The following PFAS variants were observed in gnomAD, a reference collection of about 807,000 sequenced individuals.
PFAS encodes FGAM synthase.
A neutral mutation model predicts 140.6 loss-of-function variants in PFAS; 97 were observed. The ratio of observed to expected loss-of-function variants is 0.69; its 90% CI spans 0.59 to 0.82. PFAS has a LOEUF of 0.82. Ranked by LOEUF, PFAS falls within the 40% of genes least tolerant of loss-of-function variation. PFAS has a pLI of 0.00. For missense variants in PFAS, 1,656 were observed against 1,780.2 expected (o/e 0.93, Z 1.26); for synonymous variants, 679 against 718.8 (o/e 0.94, Z 0.88).
chr17:8,263,474 C>T (rs113912737), intron 13 of PFAS, 101 bp from the exon 14 acceptor site: 1 of 1,132,272 alleles, frequency 8.8e-7, no homozygotes, highest in East Asian at 2.4e-5. Flanking sequence ...GCAGTTGACA[C>T]AGGAACACAC....
rs764119969 is a variant in PFAS at position 8,255,486 on chromosome 17, G to A, written c.385-16G>A. The A allele has an allele frequency of 4.6e-6, 7 of 1,507,834 alleles. No individual in the cohort carries two copies. The highest frequency in any genetic ancestry group is 4.1e-5 in the South Asian group (3 of 74,014). 93.4% of individuals were successfully genotyped at this position (1,507,834 alleles called of 1,614,324 possible). On this transcript the variant is annotated splice_polypyrimidine_tract_variant and intron_variant, in intron 4 of 27. Transcript: ENST00000314666. ...AAACTCTTCACCCCTTGCCCTCTGT[G>A]TGTCTGCACCCCTAGTTTGCCCACC...
intron 26 of PFAS, among the ~76,000 whole-genome samples, chr17:8,268,237 C>G (rs1398905579): frequency 2.1e-5 from 3 of 145,180 alleles, no homozygotes; most frequent in South Asian, 2.2e-4. Flanking sequence ...GCCAGGCGTG[C>G]TGGCGGGCGC....
chr17:8,254,387 C>T, intron 3 of PFAS, 86 bp downstream of exon 3: 1 of 1,496,284 alleles, frequency 6.7e-7, no homozygotes, highest in Non-Finnish European at 9.2e-7. Context: ...TTCCTTTGCT[C>T]TTTGCTACTT....
Position 8,267,897 on chromosome 17 carries a change from ATATTATTTATAT to A in PFAS, c.3382+233_3382+244del, listed in dbSNP as rs1989885705. 9.5e-6 allele frequency among the ~76,000 whole-genome samples: 1 copy of A among 105,724 alleles called. No homozygotes were observed. Among genetic ancestry groups the A allele is most frequent in the Non-Finnish European group, 2.5e-5 (1 of 40,068 alleles). 69.4% of individuals were successfully genotyped at this position (105,724 alleles called of 152,430 possible). On this transcript the variant is annotated intron_variant, in intron 26 of 27. Coordinates refer to ENST00000314666, the MANE Select transcript of PFAS (RefSeq NM_012393.3). This position sits in a 1 kb window ranked among gnomAD's most constrained non-coding sequence, Gnocchi z 4.9. ...AATTAAAATATATATTATTAAATAT[ATATTATTTATAT>A]ATATTATTTATATATTATTAAAATG... is the stretch of plus-strand genomic sequence containing the variant.
upstream of PFAS, chr17:8,247,724 C>A: frequency 2.2e-6 from 1 of 444,934 alleles, no homozygotes. Context: ...ACCCACAGCC[C>A]CATAGTTCCC....
chr17:8,248,007 G>A (rs200258559), upstream of PFAS: 23 of 1,607,824 alleles, frequency 1.4e-5, no homozygotes, highest in Middle Eastern at 1.7e-4. Flanking sequence ...CACTCACGGA[G>A]GAAGGGACCT....
chr17:8,257,034 C>G lies in PFAS; in HGVS notation c.1075+71C>G, dbSNP rs537565747. 4 of 1,519,430 alleles carry G rather than the reference C, an allele frequency of 2.6e-6. No individual in the cohort carries two copies. In the African/African-American group the frequency reaches 5.5e-5, roughly 21 times the overall value. 94.1% of individuals were successfully genotyped at this position (1,519,430 alleles called of 1,614,324 possible). A position where few individuals can be genotyped will look rare whatever the true frequency, so the allele number is the denominator to read the frequency against. ...GTCCTGGCAGGCAGCAAACTTCTAT[C>G]TGTTAGGTCCATAGGGTTATCCTGT... On this transcript the variant is annotated intron_variant, in intron 9 of 27. Coordinates refer to ENST00000314666, the MANE Select transcript of PFAS (RefSeq NM_012393.3).
chr17:8,263,508 C>T, intron 13 of PFAS, 67 bp from the exon 14 acceptor site: 1 of 1,366,866 alleles, frequency 7.3e-7, no homozygotes. Context: ...CCTTTGGAGG[C>T]CAGGGACTGC....
chr17:8,252,577 AT>A (rs1002314721), intron 1 of PFAS, among the ~76,000 whole-genome samples: 1 of 146,950 alleles, frequency 6.8e-6, no homozygotes, highest in Admixed American at 6.8e-5. Flanking sequence ...CTAATTTTGT[AT>A]TTTTTTTAGT....
chr17:8,258,033 G>A (rs1368245511), intron 10 of PFAS, 38 bp from the exon 11 acceptor site: 4 of 1,613,714 alleles, frequency 2.5e-6, no homozygotes, highest in African/African-American at 1.3e-5. Context: ...AGCACTGGGG[G>A]AACTGAGTGA....
In PFAS at chr17:8,256,564, G is replaced by A. The variant is rs745904548; in HGVS notation, c.862G>A (p.Asp288Asn). The A allele has an allele frequency of 6.2e-7, 1 of 1,614,128 alleles. No homozygotes were observed. The highest frequency in any genetic ancestry group is 8.5e-7 in the Non-Finnish European group (1 of 1,180,036). Reference sequence around the variant, plus strand: ...GGAAGTCCGATTCCTACGGCCTGAGGACCCCACACGGCCAAGCCGCTTCCA... The same window carrying A: ...GGAAGTCCGATTCCTACGGCCTGAGAACCCCACACGGCCAAGCCGCTTCCA... Reference protein sequence around the residue: ...GKEVRFLRPEDPTRPSRFQQQ... With the variant: ...GKEVRFLRPENPTRPSRFQQQ... The change falls in exon 8 of 28, where the codon GAC becomes AAC. Residue 288 changes from aspartate (D) to asparagine (N), a missense_variant. Physicochemically the swap from Asp to Asn is conservative, Grantham distance 23. Transcript: ENST00000314666.
At position 8,257,945 on chromosome 17, in the gene PFAS, C is replaced by T; in HGVS notation, c.1207+7C>T. On this transcript the variant is annotated splice_region_variant and intron_variant, in intron 10 of 27. Transcript: ENST00000314666. ...GGGGAACCAGTGCTGGCTGGTGAGG[C>T]TGGGGTGTGGAGGGATGACAAACAC... 1 of 1,614,038 alleles carries T rather than the reference C, an allele frequency of 6.2e-7. No individual in the cohort carries two copies. The highest frequency in any genetic ancestry group is 1.3e-5 in the African/African-American group (1 of 75,044).
chr17:8,258,259 A>G, intron 11 of PFAS, 60 bp downstream of exon 11: 1 of 1,586,856 alleles, frequency 6.3e-7, no homozygotes, highest in South Asian at 1.1e-5. Flanking sequence ...CAGGATGGCT[A>G]CAGGGAGGGA....
At chr17:8,252,896 T>C in intron 1 of PFAS, among the ~76,000 whole-genome samples, 1 of 152,146 alleles carries the variant, frequency 6.6e-6, no homozygotes, top group African/African-American at 2.4e-5. Flanking sequence ...AGATTACAGG[T>C]GTTAGCCACT....
At chr17:8,253,834 C>A in intron 1 of PFAS, 25 bp from the exon 2 acceptor site, 1 of 1,466,730 alleles carries the variant, frequency 6.8e-7, no homozygotes, top group South Asian at 1.4e-5. Flanking sequence ...CCACCACGCC[C>A]GGCTTAGTTA....
rs1364350034 is a variant in PFAS, at chr17:8,264,931, C to T, written c.2086C>T (p.Gln696Ter). The change falls in exon 18 of 28, where the codon CAG becomes TAG. Residue 696 changes from glutamine (Q) to a stop codon, truncating the protein, a stop_gained. Transcript: ENST00000314666. LOFTEE classifies it high-confidence loss of function. Reference protein sequence around the residue: ...RSVGGLVAQQQCVGPLQTPLA... With the variant: ...RSVGGLVAQQ Reference sequence around the variant, plus strand: ...TGTGGGAGGCCTGGTGGCCCAGCAGCAGTGCGTGGGGCCCCTGCAAACTCC... The same window carrying T: ...TGTGGGAGGCCTGGTGGCCCAGCAGTAGTGCGTGGGGCCCCTGCAAACTCC... The T allele has an allele frequency of 6.2e-7, 1 of 1,601,506 alleles. No individual in the cohort carries two copies. The highest frequency in any genetic ancestry group is 8.5e-7 in the Non-Finnish European group (1 of 1,171,818).
rs201032555 is a variant in PFAS at position 8,263,759 on chromosome 17, C to T, written c.1630-16C>T. 352 of 1,611,774 alleles carry T rather than the reference C, an allele frequency of 2.2e-4. 1 individual carries two copies. Among genetic ancestry groups the T allele is most frequent in the Admixed American group, 1.0e-4 (6 of 59,948 alleles). ...CCCACTGGCCCTTCTCTTTCCTCCC[C>T]GCCGTGGCTGTGCAGCTTGGGGACC... On this transcript the variant is annotated splice_polypyrimidine_tract_variant and intron_variant, in intron 14 of 27. Coordinates refer to ENST00000314666, the MANE Select transcript of PFAS (RefSeq NM_012393.3).
At chr17:8,255,962 G>A in intron 6 of PFAS, 52 bp downstream of exon 6, 1 of 1,348,820 alleles carries the variant, frequency 7.4e-7, no homozygotes. Context: ...TGTTGGGAGA[G>A]ACCACAGGGG....
At chr17:8,247,742 C>T (rs556808042), upstream of PFAS, 2 of 488,930 alleles carry the variant, frequency 4.1e-6, no homozygotes, top group South Asian at 2.4e-5. Context: ...CCCCCATTAA[C>T]CTGCTCCTGG....
Sources: allele counts gnomAD v4.1 joint callset (sites outside exome capture counted in the v4.1 genomes callset), GRCh38; gene constraint gnomAD v4.1.1; non-coding constraint Gnocchi (gnomAD v3.1); transcripts MANE v1.5; gene names NCBI Gene and HGNC (gene_info 2026-07-23, HGNC 2026-07-21).